TSHZ2: variants seen among roughly 807,000 people sequenced by gnomAD.
The protein encoded by TSHZ2 is teashirt homolog 2.
Under a neutral mutation model 74.4 loss-of-function variants are expected in TSHZ2, and 21 were observed. The ratio of observed to expected loss-of-function variants is 0.28; its 90% confidence interval spans 0.20 to 0.41. The LOEUF (loss-of-function observed/expected upper bound fraction) is 0.41, where lower values mean the gene tolerates loss of function less well. TSHZ2 is among the 10% of genes least tolerant of loss of function. The pLI is 1.00. For synonymous variants in TSHZ2, 540 were observed against 515.3 expected, an observed-to-expected ratio of 1.05 and a Z score of -0.65; for missense variants, 1,244 against 1,293.5, an observed-to-expected ratio of 0.96 and a Z score of 0.59.
Position 53,410,587 on chromosome 20 carries a change from C to CATTATTATTATTATT in TSHZ2, c.*9-76531_*9-76517dup, listed in dbSNP as rs71194476. 3.5e-3 allele frequency among the ~76,000 whole-genome samples: 498 copies of CATTATTATTATTATT among 141,836 alleles called. 2 individuals are homozygous for CATTATTATTATTATT. The highest frequency in any genetic ancestry group is 0.011 in the Middle Eastern group (3 of 272). The allele number at this position is 141,836 out of a possible 152,430, so 93.0% of individuals were successfully genotyped here. A position where few individuals can be genotyped will look rare whatever the true frequency, so the allele number is the denominator to read the frequency against. ...TTTGGGAATTCTGTTATTATCGTCA[C>CATTATTATTATTATT]ATTATTATTATTATTATTATTATTA... On this transcript the variant is annotated intron_variant, in intron 2 of 2. Transcript: ENST00000371497.
chr20:53,263,946 C>T (rs1214441486), intron 2 of TSHZ2, among the ~76,000 whole-genome samples: 5 of 152,168 alleles, frequency 3.3e-5, no homozygotes, highest in Admixed American at 1.3e-4. Flanking sequence ...AGGACTTGGC[C>T]GGGAGGGTTC....
intron 1 of TSHZ2, among the ~76,000 whole-genome samples, chr20:53,149,667 G>C (rs1987629577): frequency 6.6e-6 from 1 of 152,134 alleles, no homozygotes; most frequent in Non-Finnish European, 1.5e-5. Flanking sequence ...TATTATGTAG[G>C]GCATGGAGAC....
At chr20:53,261,506 G>T (rs1990600332) in intron 2 of TSHZ2, among the ~76,000 whole-genome samples, 1 of 152,142 alleles carries the variant, frequency 6.6e-6, no homozygotes, top group Non-Finnish European at 1.5e-5. Context: ...AGGAAACAGG[G>T]TCAAGTACAA....
intron 2 of TSHZ2, among the ~76,000 whole-genome samples, chr20:53,304,938 CTTT>C (rs145371174): frequency 8.2e-6 from 1 of 122,614 alleles, no homozygotes. Flanking sequence ...CCTTAATGAA[CTTT>C]TTTTTTTTTT....
intron 2 of TSHZ2, among the ~76,000 whole-genome samples, chr20:53,318,406 A>G (rs1286677731): frequency 6.6e-6 from 1 of 152,208 alleles, no homozygotes; most frequent in Non-Finnish European, 1.5e-5. Context: ...CCAGAGCTTC[A>G]TCCTGCTGCC....
intron 2 of TSHZ2, among the ~76,000 whole-genome samples, chr20:53,425,627 T>G (rs1329223429): frequency 1.3e-5 from 2 of 152,158 alleles, no homozygotes; most frequent in African/African-American, 4.8e-5. Flanking sequence ...ATGGTAAACA[T>G]TTCAGGTCTT....
At chr20:53,133,380 C>T (rs1181120505) in intron 1 of TSHZ2, among the ~76,000 whole-genome samples, 1 of 152,236 alleles carries the variant, frequency 6.6e-6, no homozygotes, top group Non-Finnish European at 1.5e-5. Flanking sequence ...GCACCCAGTT[C>T]GAGCCAGCTC....
intron 1 of TSHZ2, among the ~76,000 whole-genome samples, chr20:53,130,388 A>C (rs1987070696): frequency 6.6e-6 from 1 of 152,140 alleles, no homozygotes; most frequent in Non-Finnish European, 1.5e-5. Context: ...CTTTAGGGGG[A>C]CCAAGGTGTG....
intron 2 of TSHZ2, among the ~76,000 whole-genome samples, chr20:53,356,957 GTGTGTGTGCGCA>G (rs1346845452): frequency 6.6e-6 from 1 of 152,134 alleles, no homozygotes; most frequent in East Asian, 1.9e-4. Context: ...GTGTGTGAAT[GTGTGTGTGCGCA>G]TGTGTGTGTG....
At chr20:53,139,640 G>C (rs1434162975) in intron 1 of TSHZ2, among the ~76,000 whole-genome samples, 1 of 152,196 alleles carries the variant, frequency 6.6e-6, no homozygotes, top group African/African-American at 2.4e-5. Flanking sequence ...GTCAGATAGA[G>C]GGCTAGCAGA....
chr20:53,296,719 A>T (rs1443615708), intron 2 of TSHZ2, among the ~76,000 whole-genome samples: 1 of 152,154 alleles, frequency 6.6e-6, no homozygotes, highest in South Asian at 2.1e-4. Flanking sequence ...GGTGATACAA[A>T]CCCAGAAATA....
At chr20:53,190,137 A>ATTTTTTT (rs57127898) in intron 1 of TSHZ2, among the ~76,000 whole-genome samples, 1 of 90,498 alleles carries the variant, frequency 1.1e-5, no homozygotes, top group African/African-American at 4.1e-5. Flanking sequence ...ATATATATAT[A>ATTTTTTT]TTTTCTTAAA....
At chr20:53,479,195 A>G (rs1232263537) in intron 2 of TSHZ2, among the ~76,000 whole-genome samples, 1 of 151,938 alleles carries the variant, frequency 6.6e-6, no homozygotes, top group Non-Finnish European at 1.5e-5. Flanking sequence ...AAAAGGAGAA[A>G]ATTGAGACAT....
intron 2 of TSHZ2, among the ~76,000 whole-genome samples, chr20:53,479,880 T>C (rs1986099082): frequency 6.6e-6 from 1 of 152,030 alleles, no homozygotes; most frequent in South Asian, 2.1e-4. Flanking sequence ...AAAGGAAGTA[T>C]CTATCTGGCT....
chr20:53,307,553 T>TTGCAACATACTGAAGCC (rs1247801422), intron 2 of TSHZ2, among the ~76,000 whole-genome samples: 11 of 152,204 alleles, frequency 7.2e-5, no homozygotes, highest in African/African-American at 2.7e-4. Context: ...TGGGGAGCTT[T>TTGCAACATACTGAAGCC]TGCAACATAC....
chr20:53,441,266 TTTTATTTTA>T (rs1653468730), intron 2 of TSHZ2, among the ~76,000 whole-genome samples: 2 of 137,844 alleles, frequency 1.5e-5, no homozygotes, highest in African/African-American at 5.7e-5. Context: ...TTTTATTTTA[TTTTATTTTA>T]TTTATTTTGA....
chr20:53,226,948 C>T (rs1338646133), intron 1 of TSHZ2, among the ~76,000 whole-genome samples: 1 of 152,128 alleles, frequency 6.6e-6, no homozygotes, highest in Non-Finnish European at 1.5e-5. Context: ...ACTGAAACTC[C>T]AAGGGTTAGA....
At chr20:53,220,875 C>T (rs982732300) in intron 1 of TSHZ2, among the ~76,000 whole-genome samples, 3 of 152,250 alleles carry the variant, frequency 2.0e-5, no homozygotes, top group Admixed American at 2.0e-4. Flanking sequence ...TTCTGCATCT[C>T]AAGGTGACAG....
intron 2 of TSHZ2, among the ~76,000 whole-genome samples, chr20:53,300,053 T>A (rs1007002154): frequency 6.6e-6 from 1 of 152,236 alleles, no homozygotes; most frequent in African/African-American, 2.4e-5. Flanking sequence ...CACAGAGGCA[T>A]GCCAAAGACA....
Sources: allele counts gnomAD v4.1 joint callset (sites outside exome capture counted in the v4.1 genomes callset), GRCh38; gene constraint gnomAD v4.1.1; transcripts MANE v1.5; gene names NCBI Gene and HGNC (gene_info 2026-07-23, HGNC 2026-07-21).